The following PTPRT variants were observed in gnomAD, a reference collection of about 807,000 sequenced individuals.
PTPRT encodes receptor-type tyrosine-protein phosphatase T.
In PTPRT, 56 loss-of-function variants were observed where a neutral mutation model predicts 176.8. The observed-to-expected ratio is 0.32, with a 90% CI of 0.26 to 0.40. The LOEUF (loss-of-function observed/expected upper bound fraction) is 0.40, where lower values mean the gene tolerates loss of function less well. PTPRT is among the 10% of genes least tolerant of loss of function. PTPRT has a pLI of 1.00. For synonymous variants in PTPRT, 783 were observed against 739.0 expected, an observed-to-expected ratio of 1.06 and a Z score of -0.96; for missense variants, 1,540 against 1,908.2, an observed-to-expected ratio of 0.81 and a Z score of 3.60.
intron 1 of PTPRT, among the ~76,000 whole-genome samples, chr20:42,953,428 A>G (rs1981386064): frequency 6.6e-6 from 1 of 152,228 alleles, no homozygotes; most frequent in South Asian, 2.1e-4. Flanking sequence ...TGCCCCTGCC[A>G]TGGTACCCAC....
intron 16 of PTPRT, among the ~76,000 whole-genome samples, chr20:42,184,761 G>A (rs1382480977): frequency 6.7e-6 from 1 of 148,572 alleles, no homozygotes; most frequent in Non-Finnish European, 1.5e-5. Flanking sequence ...CTGAGTAGGT[G>A]GGATTACAGG....
intron 1 of PTPRT, among the ~76,000 whole-genome samples, chr20:43,023,429 A>G (rs1568738892): frequency 6.6e-6 from 1 of 152,222 alleles, no homozygotes; most frequent in South Asian, 2.1e-4. Flanking sequence ...GACAGGCACA[A>G]CAAAAGATGC....
At chr20:42,725,006 CTT>C (rs201088159) in intron 6 of PTPRT, among the ~76,000 whole-genome samples, 12,079 of 136,770 alleles carry the variant, frequency 0.088, 594 homozygotes, top group East Asian at 0.19. Context: ...ATGTGGACAT[CTT>C]TTGTGTGTGT....
intron 7 of PTPRT, among the ~76,000 whole-genome samples, chr20:42,523,412 G>C (rs1359867373): frequency 6.6e-6 from 1 of 152,088 alleles, no homozygotes; most frequent in Non-Finnish European, 1.5e-5. Context: ...CTCATTGTTG[G>C]ACAACCTGAT....
intron 13 of PTPRT, among the ~76,000 whole-genome samples, chr20:42,252,267 A>C (rs1025812059): frequency 1.3e-5 from 2 of 152,142 alleles, no homozygotes; most frequent in African/African-American, 4.8e-5. Context: ...CTTGAGATAT[A>C]CTCCAGCAAA....
intron 1 of PTPRT, among the ~76,000 whole-genome samples, chr20:42,933,805 C>G (rs1003805436): frequency 1.3e-5 from 2 of 152,126 alleles, no homozygotes; most frequent in East Asian, 3.9e-4. Flanking sequence ...CGTCTTCAGC[C>G]TCTCCTTAAG....
At chr20:43,122,876 G>A (rs2013318402) in intron 1 of PTPRT, among the ~76,000 whole-genome samples, 2 of 152,114 alleles carry the variant, frequency 1.3e-5, no homozygotes, top group South Asian at 4.1e-4. Flanking sequence ...TTTTTGAGAT[G>A]GAGTTTCGGT....
the PTPRT span, among the ~76,000 whole-genome samples, chr20:42,042,640 C>A: frequency 1.3e-5 from 2 of 152,198 alleles, no homozygotes; most frequent in African/African-American, 4.8e-5. Context: ...TCCCTCATAT[C>A]AGTTGCTGAG....
At chr20:43,065,753 G>C (rs1398351415) in intron 1 of PTPRT, among the ~76,000 whole-genome samples, 1 of 152,162 alleles carries the variant, frequency 6.6e-6, no homozygotes, top group Non-Finnish European at 1.5e-5. Flanking sequence ...GACCAGGAAA[G>C]GTCTAAGAGG....
intron 2 of PTPRT, among the ~76,000 whole-genome samples, chr20:42,812,779 C>T (rs149536862): frequency 0.012 from 1,887 of 152,134 alleles, 39 homozygotes; most frequent in African/African-American, 0.043. Flanking sequence ...GTATTAACCT[C>T]AAATTGTTGT....
chr20:42,253,400 G>A (rs1457588895), intron 13 of PTPRT, among the ~76,000 whole-genome samples: 3 of 152,086 alleles, frequency 2.0e-5, no homozygotes, highest in African/African-American at 7.2e-5. Context: ...CCCTTCAGTG[G>A]GATAACACCT....
At chr20:42,319,944 C>A (rs1211924867) in intron 11 of PTPRT, among the ~76,000 whole-genome samples, 5 of 152,016 alleles carry the variant, frequency 3.3e-5, no homozygotes, top group Non-Finnish European at 7.4e-5. Flanking sequence ...TAGGAAAAAT[C>A]CCAATAACAT....
intron 16 of PTPRT, among the ~76,000 whole-genome samples, chr20:42,197,133 A>G (rs541119726): frequency 3.4e-4 from 52 of 152,272 alleles, no homozygotes; most frequent in African/African-American, 1.2e-3. Flanking sequence ...TAATCCCAGC[A>G]CTTTGGGAGG....
chr20:42,595,794 G>C (rs1001372480), intron 7 of PTPRT, among the ~76,000 whole-genome samples: 9 of 152,164 alleles, frequency 5.9e-5, no homozygotes, highest in African/African-American at 2.2e-4. Flanking sequence ...ACTGGAGTTT[G>C]CTTGTTGCAA....
intron 1 of PTPRT, among the ~76,000 whole-genome samples, chr20:43,083,142 C>T (rs1179510387): frequency 6.6e-6 from 1 of 150,790 alleles, no homozygotes; most frequent in Non-Finnish European, 1.5e-5. Context: ...GTGCAGCGAA[C>T]AGCAGGACCT....
intron 1 of PTPRT, among the ~76,000 whole-genome samples, chr20:43,048,644 A>T (rs1432510099): frequency 6.6e-6 from 1 of 152,204 alleles, no homozygotes; most frequent in East Asian, 1.9e-4. Context: ...TGGCCCTCAT[A>T]GAGAAGTCTA....
chr20:42,199,419 C>G, intron 15 of PTPRT, 31 bp from the exon 16 acceptor site: 1 of 1,608,184 alleles, frequency 6.2e-7, no homozygotes, highest in African/African-American at 1.3e-5. Flanking sequence ...GAAAAAACCA[C>G]AGTCAGATGG....
chr20:42,296,445 C>CAAA (rs139929018), intron 12 of PTPRT, among the ~76,000 whole-genome samples: 1 of 123,708 alleles, frequency 8.1e-6, no homozygotes, highest in African/African-American at 2.9e-5. Context: ...GACTCTGTCT[C>CAAA]AAAAAAAAAA....
At chr20:42,899,298 G>C (rs1348730553) in intron 1 of PTPRT, among the ~76,000 whole-genome samples, 1 of 152,248 alleles carries the variant, frequency 6.6e-6, no homozygotes, top group East Asian at 1.9e-4. Flanking sequence ...GAAAAGGTGA[G>C]GAAAGGTTTT....
Sources: allele counts gnomAD v4.1 joint callset (sites outside exome capture counted in the v4.1 genomes callset), GRCh38; gene constraint gnomAD v4.1.1; transcripts MANE v1.5; gene names NCBI Gene and HGNC (gene_info 2026-07-23, HGNC 2026-07-21).